RBFOX1: variants seen among roughly 807,000 people sequenced by gnomAD.
RBFOX1 encodes RNA binding fox-1 homolog 1, also known as RNA binding protein fox-1 homolog 1.
A neutral mutation model predicts 57.7 loss-of-function variants in RBFOX1; 8 were observed. The ratio of observed to expected loss-of-function variants is 0.14; its 90% CI spans 0.08 to 0.25. RBFOX1 has a LOEUF of 0.25. Ranked by LOEUF, RBFOX1 falls within the 10% of genes least tolerant of loss-of-function variation. The pLI is 1.00. For synonymous variants in RBFOX1, 326 were observed against 222.4 expected, an observed-to-expected ratio of 1.47 and a Z score of -4.15; for missense variants, 611 against 548.5, an observed-to-expected ratio of 1.11 and a Z score of -1.14.
intron 4 of RBFOX1, among the ~76,000 whole-genome samples, chr16:5,939,632 C>G (rs752257778): frequency 9.2e-5 from 14 of 152,190 alleles, no homozygotes; most frequent in Admixed American, 3.9e-4. Context: ...GTCACTTTTT[C>G]CATATTCTAT....
chr16:5,758,268 G>C (rs1262130927), intron 3 of RBFOX1, among the ~76,000 whole-genome samples: 1 of 152,188 alleles, frequency 6.6e-6, no homozygotes, highest in Non-Finnish European at 1.5e-5. Context: ...GTTGAAGGCG[G>C]TATTGTGGTA....
chr16:7,693,270 T>C, intron 14 of RBFOX1: 1 of 1,569,184 alleles, frequency 6.4e-7, no homozygotes, highest in Non-Finnish European at 8.8e-7. Context: ...GAGAGCACAT[T>C]TCCCCCTGAG....
chr16:5,914,433 C>G (rs12927911), intron 4 of RBFOX1, among the ~76,000 whole-genome samples: 43,525 of 151,902 alleles, frequency 0.29, 6,756 homozygotes, highest in East Asian at 0.49. Context: ...CTAGAGAATC[C>G]CCTTCCAAGT....
At chr16:5,404,142 G>A (rs1478794366) in intron 1 of RBFOX1, among the ~76,000 whole-genome samples, 1 of 151,900 alleles carries the variant, frequency 6.6e-6, no homozygotes, top group Non-Finnish European at 1.5e-5. Context: ...CTGGAGACTT[G>A]GAGGGGTGAG....
At chr16:6,730,776 G>A (rs993863633) in intron 3 of RBFOX1, among the ~76,000 whole-genome samples, 2 of 152,198 alleles carry the variant, frequency 1.3e-5, no homozygotes, top group Non-Finnish European at 2.9e-5. Flanking sequence ...TCTAGAGTTG[G>A]AAGATGGCTT....
rs1037774930 is a variant in RBFOX1 at position 6,445,431 on chromosome 16, G to A, written c.-64+128374G>A. 2.1e-4 allele frequency among the ~76,000 whole-genome samples: 32 copies of A among 152,002 alleles called. 1 individual carries two copies. Among genetic ancestry groups the A allele is most frequent in the African/African-American group, 4.1e-4 (17 of 41,398 alleles). On this transcript the variant is annotated intron_variant, in intron 2 of 15. Coordinates refer to ENST00000550418, the MANE Select transcript of RBFOX1 (RefSeq NM_018723.4). ...AAACTCTCTCAGTTGAGGTTATTGC[G>A]TTGAGATCAACAATGTGGTGTGGTT...
At chr16:6,255,552 G>C (rs547454225) in intron 1 of RBFOX1, among the ~76,000 whole-genome samples, 4 of 152,218 alleles carry the variant, frequency 2.6e-5, no homozygotes, top group Admixed American at 2.0e-4. Context: ...ATACAGGTGG[G>C]TGCCAACAGG....
intron 2 of RBFOX1, among the ~76,000 whole-genome samples, chr16:6,333,048 T>G (rs1392642002): frequency 6.6e-6 from 1 of 152,204 alleles, no homozygotes; most frequent in Admixed American, 6.5e-5. Flanking sequence ...ATTCTTTTTT[T>G]TTCTTTTTTG....
chr16:7,028,507 A>T (rs2041648942), intron 3 of RBFOX1, among the ~76,000 whole-genome samples: 1 of 147,592 alleles, frequency 6.8e-6, no homozygotes, highest in African/African-American at 2.5e-5. Context: ...GAATCGCTTG[A>T]ACCCGGGAGG....
chr16:5,447,524 A>C (rs545217736), intron 1 of RBFOX1, among the ~76,000 whole-genome samples: 1 of 152,064 alleles, frequency 6.6e-6, no homozygotes, highest in Non-Finnish European at 1.5e-5. Context: ...CAGCCTCCCG[A>C]ATAGCTGGGA....
intron 2 of RBFOX1, among the ~76,000 whole-genome samples, chr16:6,543,066 T>C (rs750384426): frequency 2.6e-5 from 4 of 152,214 alleles, no homozygotes; most frequent in Non-Finnish European, 4.4e-5. Flanking sequence ...AAGCCAATTT[T>C]GATCAATAGT....
intron 1 of RBFOX1, among the ~76,000 whole-genome samples, chr16:6,243,326 A>G (rs1318664636): frequency 6.6e-6 from 1 of 152,198 alleles, no homozygotes; most frequent in African/African-American, 2.4e-5. Context: ...ATTGGGAGAA[A>G]TAAAAGTATT....
chr16:6,900,009 A>G (rs1035048483), intron 3 of RBFOX1, among the ~76,000 whole-genome samples: 1 of 152,178 alleles, frequency 6.6e-6, no homozygotes, highest in Non-Finnish European at 1.5e-5. Flanking sequence ...CTTATTTATA[A>G]CAGGAGGATG....
chr16:5,908,229 CAT>C lies in RBFOX1; in HGVS notation c.351+40902_351+40903del, dbSNP rs540004211. 1.0e-3 allele frequency among the ~76,000 whole-genome samples: 145 copies of C among 141,046 alleles called. 10 individuals carry two copies. Among genetic ancestry groups the C allele is most frequent in the African/African-American group, 3.5e-3 (118 of 33,818 alleles). 92.5% of individuals were successfully genotyped at this position (141,046 alleles called of 152,430 possible). A position where few individuals can be genotyped will look rare whatever the true frequency, so the allele number is the denominator to read the frequency against. ...ACACATATATATACATATATACACA[CAT>C]ATATATACATATACATACACACACA... On this transcript the variant is annotated intron_variant, in intron 4 of 19. Coordinates refer to the RBFOX1 transcript ENST00000641259.
intron 2 of RBFOX1, among the ~76,000 whole-genome samples, chr16:6,570,154 A>G (rs909243926): frequency 1.4e-4 from 21 of 152,196 alleles, no homozygotes; most frequent in Non-Finnish European, 1.5e-5. Flanking sequence ...TAATTTCGTT[A>G]TATATTAGGA....
chr16:7,480,869 T>A (rs2063762463), intron 4 of RBFOX1, among the ~76,000 whole-genome samples: 1 of 152,198 alleles, frequency 6.6e-6, no homozygotes, highest in Admixed American at 6.5e-5. Context: ...GTTGTCCTCC[T>A]GGGGCTGCTT....
intron 2 of RBFOX1, among the ~76,000 whole-genome samples, chr16:6,619,180 A>AG (rs1010453990): frequency 6.6e-6 from 1 of 150,972 alleles, no homozygotes; most frequent in Non-Finnish European, 1.5e-5. Flanking sequence ...AAAAAAAAAA[A>AG]CAACTTCTGA....
chr16:7,293,136 T>C (rs1360751373), intron 4 of RBFOX1, among the ~76,000 whole-genome samples: 2 of 152,200 alleles, frequency 1.3e-5, no homozygotes, highest in African/African-American at 4.8e-5. Context: ...TCTGCATCCA[T>C]AGATTCAGTC....
chr16:5,426,035 G>A (rs770361142), intron 1 of RBFOX1, among the ~76,000 whole-genome samples: 9 of 152,184 alleles, frequency 5.9e-5, no homozygotes, highest in Non-Finnish European at 1.3e-4. Flanking sequence ...GCATGGAAAC[G>A]GAACCCAAAA....
Sources: gnomAD v4.1 joint callset for allele counts (sites outside exome capture counted in the v4.1 genomes callset) on GRCh38, gnomAD v4.1.1 for gene constraint, MANE v1.5 for transcripts, NCBI Gene and HGNC (gene_info 2026-07-23, HGNC 2026-07-21) for gene names.